Variants in FBXO33 observed in about 807,000 individuals in gnomAD.
FBXO33 encodes F-box protein 33.
Under a neutral mutation model 46.3 loss-of-function variants are expected in FBXO33, and 22 were observed. That is an observed-to-expected ratio of 0.48 (90% CI 0.34 to 0.68). FBXO33 has a LOEUF of 0.68. Among genes scored for constraint, FBXO33 ranks in the 30% least tolerant of loss-of-function variants. The pLI, the probability that FBXO33 is intolerant of heterozygous loss-of-function variation, is 0.01. For missense variants in FBXO33, 692 were observed against 708.8 expected (o/e 0.98, Z 0.27); for synonymous variants, 337 against 291.3 (o/e 1.16, Z -1.60).
intron 1 of FBXO33, among the ~76,000 whole-genome samples, chr14:39,417,888 C>T (rs1288297935): frequency 1.3e-5 from 2 of 152,142 alleles, no homozygotes; most frequent in African/African-American, 2.4e-5. Context: ...CCTACTCTGT[C>T]ATCGTGCCCT....
intron 1 of FBXO33, among the ~76,000 whole-genome samples, chr14:39,421,203 T>C (rs914450374): frequency 1.3e-5 from 2 of 152,190 alleles, no homozygotes; most frequent in African/African-American, 4.8e-5. Context: ...AATTCTCCTT[T>C]TGAGGTTTTG....
At chr14:39,426,205 A>G (rs986701502) in intron 1 of FBXO33, among the ~76,000 whole-genome samples, 4 of 152,108 alleles carry the variant, frequency 2.6e-5, no homozygotes, top group African/African-American at 9.7e-5. Flanking sequence ...TTTTAACAAT[A>G]ATAAGGACAA....
chr14:39,406,738 CAT>C (rs2075400701), intron 1 of FBXO33, among the ~76,000 whole-genome samples: 1 of 152,104 alleles, frequency 6.6e-6, no homozygotes. Flanking sequence ...ATGATTTGTA[CAT>C]GTGTTGGGCA....
intron 1 of FBXO33, among the ~76,000 whole-genome samples, chr14:39,415,260 G>A (rs1304667938): frequency 6.6e-6 from 1 of 152,028 alleles, no homozygotes; most frequent in Non-Finnish European, 1.5e-5. Flanking sequence ...TCATGCCACT[G>A]CACTCCACCC....
Position 39,401,577 on chromosome 14 carries a change from A to G in FBXO33, c.995T>C (p.Val332Ala). Residue 332 changes from valine (V) to alanine (A), a missense_variant, in exon 3 of 4, where the codon GTG (valine) becomes GCG (alanine). By Grantham distance (64) the Val-to-Ala change is moderately conservative. This residue lies in a region of FBXO33 where 186 missense variants were observed against 246.1 expected (regional missense o/e 0.76). Coordinates refer to ENST00000298097, the MANE Select transcript of FBXO33 (RefSeq NM_203301.4). ...CAGAAGAGACAGTCGTTGCAAAGGCACATGGTTGCTATCAGTTAAGACTCT... is the reference window on the plus strand; with the variant it reads ...CAGAAGAGACAGTCGTTGCAAAGGCGCATGGTTGCTATCAGTTAAGACTCT... ...MARVLTDSNH[V>A]PLQRLSLLVH... 1.2e-6 allele frequency: 2 copies of G among 1,614,224 alleles called. No individual in the cohort carries two copies. The highest frequency in any genetic ancestry group is 1.7e-6 in the Non-Finnish European group (2 of 1,180,036).
At chr14:39,424,766 A>G (rs2075502755) in intron 1 of FBXO33, among the ~76,000 whole-genome samples, 1 of 152,208 alleles carries the variant, frequency 6.6e-6, no homozygotes. Flanking sequence ...TTAAGTATGT[A>G]TGTTAAGGCT....
At chr14:39,411,723 A>G (rs1340962698) in intron 1 of FBXO33, among the ~76,000 whole-genome samples, 1 of 151,894 alleles carries the variant, frequency 6.6e-6, no homozygotes, top group East Asian at 1.9e-4. Context: ...GGGTTTCACA[A>G]TGTTGGTCAG....
At chr14:39,405,095 G>C (rs1056457394) in intron 1 of FBXO33, among the ~76,000 whole-genome samples, 1 of 146,094 alleles carries the variant, frequency 6.8e-6, no homozygotes, top group African/African-American at 2.6e-5. Flanking sequence ...GTTGCAGTGA[G>C]CCGAGATCAC....
intron 3 of FBXO33, among the ~76,000 whole-genome samples, chr14:39,400,961 AAAG>A (rs1454415372): frequency 6.6e-6 from 1 of 152,210 alleles, no homozygotes; most frequent in Non-Finnish European, 1.5e-5. Context: ...GATGGACAAA[AAAG>A]TAACAGGGAA....
chr14:39,412,329 T>A (rs2075427179), intron 1 of FBXO33, among the ~76,000 whole-genome samples: 1 of 152,236 alleles, frequency 6.6e-6, no homozygotes, highest in Non-Finnish European at 1.5e-5. Context: ...TTGTGTCAGT[T>A]TTTGACTTAA....
intron 1 of FBXO33, among the ~76,000 whole-genome samples, chr14:39,423,477 A>G (rs1410638017): frequency 6.6e-6 from 1 of 152,238 alleles, no homozygotes; most frequent in African/African-American, 2.4e-5. Flanking sequence ...GTGCACAAAT[A>G]TGTATGCAGA....
Position 39,432,096 on chromosome 14 carries a change from G to C in FBXO33, c.67C>G (p.Arg23Gly). The C allele has an allele frequency of 1.6e-6, 2 of 1,241,934 alleles. No homozygotes were observed. The highest frequency in any genetic ancestry group is 2.0e-6 in the Non-Finnish European group (2 of 995,948). The allele number at this position is 1,241,934 out of a possible 1,614,324, so 76.9% of individuals were successfully genotyped here. A position where few individuals can be genotyped will look rare whatever the true frequency, so the allele number is the denominator to read the frequency against. Residue 23 changes from arginine to glycine, a missense_variant, in exon 1 of 4, where the codon CGG (arginine) becomes GGG (glycine). Coordinates refer to ENST00000298097, the MANE Select transcript of FBXO33 (RefSeq NM_203301.4). ...CGCAGCCGCCGCCACCGCGCCACCC[G>C]GGCGGCCCCGGCTCGGGTTCGAGCT... ...PGARTRAGAARVARWRRLRLQ... is the reference protein window; with the variant it reads ...PGARTRAGAAGVARWRRLRLQ...
chr14:39,430,502 C>T lies in FBXO33; in HGVS notation c.599+1062G>A, dbSNP rs574108476. Among the ~76,000 whole-genome samples the T allele has an allele frequency of 5.3e-5, 8 of 152,126 alleles. No individual in the cohort carries two copies. In the South Asian group the frequency reaches 1.2e-3, roughly 24 times the overall value. On this transcript the variant is annotated intron_variant, in intron 1 of 3. Coordinates refer to ENST00000298097, the MANE Select transcript of FBXO33 (RefSeq NM_203301.4). ...ACACGCTTTCGGAGAAAAACAATGC[C>T]GTACAGCAATGTGCAAATCACTTGA...
At chr14:39,422,274 C>CA (rs1287459578) in intron 1 of FBXO33, among the ~76,000 whole-genome samples, 2 of 152,046 alleles carry the variant, frequency 1.3e-5, no homozygotes, top group African/African-American at 4.8e-5. Flanking sequence ...AATAATAAAA[C>CA]AAAAAACAAA....
At position 39,430,780 on chromosome 14, in the gene FBXO33, G is replaced by A. The variant is rs1595990125; in HGVS notation, c.599+784C>T. 2.0e-5 allele frequency among the ~76,000 whole-genome samples: 3 copies of A among 152,306 alleles called. No homozygotes were observed. In the South Asian group the frequency reaches 6.2e-4, roughly 32 times the overall value. ...GGAGGTGGCGATGGAGAAAAATGAT[G>A]ATTGGGAGGGATACTGGGTCAGAAT... On this transcript the variant is annotated intron_variant, in intron 1 of 3. Coordinates refer to ENST00000298097, the MANE Select transcript of FBXO33 (RefSeq NM_203301.4).
At chr14:39,403,861 G>A (rs2075380334) in intron 1 of FBXO33, among the ~76,000 whole-genome samples, 1 of 150,726 alleles carries the variant, frequency 6.6e-6, no homozygotes, top group Non-Finnish European at 1.5e-5. Flanking sequence ...GAGCGCAGTG[G>A]TATGATCACG....
At chr14:39,414,973 T>G (rs925559272) in intron 1 of FBXO33, among the ~76,000 whole-genome samples, 1 of 152,134 alleles carries the variant, frequency 6.6e-6, no homozygotes, top group African/African-American at 2.4e-5. Context: ...TCTTAGGGAT[T>G]TGGGCAGCTC....
chr14:39,418,779 A>C (rs1489276912), intron 1 of FBXO33, among the ~76,000 whole-genome samples: 3 of 137,090 alleles, frequency 2.2e-5, no homozygotes, highest in East Asian at 2.6e-4. Context: ...CGTCTCAAAA[A>C]AAAAAAAAAA....
intron 1 of FBXO33, among the ~76,000 whole-genome samples, chr14:39,424,550 G>A (rs1365139175): frequency 1.3e-5 from 2 of 152,048 alleles, no homozygotes. Flanking sequence ...AAATTTAGGG[G>A]GCAGACCAGT....
Sources: allele counts gnomAD v4.1 joint callset (sites outside exome capture counted in the v4.1 genomes callset), GRCh38; gene constraint gnomAD v4.1.1; regional missense constraint gnomAD v4.1.1; transcripts MANE v1.5; gene names NCBI Gene and HGNC (gene_info 2026-07-23, HGNC 2026-07-21).